Variants in GRAMD2A observed in about 807,000 individuals in gnomAD.
The protein encoded by GRAMD2A is GRAM domain containing 2A, also known as GRAM domain-containing protein 2A.
A neutral mutation model predicts 51.1 loss-of-function variants in GRAMD2A; 37 were observed. The ratio of observed to expected loss-of-function variants is 0.72; its 90% confidence interval spans 0.56 to 0.95. The LOEUF (loss-of-function observed/expected upper bound fraction) is 0.95. GRAMD2A is among the 40% of genes least tolerant of loss of function. The pLI, the probability that GRAMD2A is intolerant of heterozygous loss-of-function variation, is 0.00. For missense variants in GRAMD2A, 414 were observed against 426.9 expected, an observed-to-expected ratio of 0.97 and a Z score of 0.27; for synonymous variants, 136 against 157.1, an observed-to-expected ratio of 0.87 and a Z score of 1.01.
intron 1 of GRAMD2A, among the ~76,000 whole-genome samples, chr15:72,182,362 CAAAAAAAAAAAAAAA>C (rs36075463): frequency 2.1e-5 from 1 of 47,560 alleles, no homozygotes; most frequent in African/African-American, 8.6e-5. Flanking sequence ...GAGACTGTCT[CAAAAAAAAAAAAAAA>C]AAAAAAAACC....
At chr15:72,195,293 G>A (rs1003676194) in intron 1 of GRAMD2A, among the ~76,000 whole-genome samples, 14 of 152,190 alleles carry the variant, frequency 9.2e-5, no homozygotes, top group Middle Eastern at 3.2e-3. Context: ...GAAAGCGGAA[G>A]TGACTTGTCC....
In GRAMD2A at chr15:72,163,178, A is replaced by G. The variant is rs1282455587; in HGVS notation, c.956+88T>C. ...CTCAGAAACTTCCCCCTGGTTCTGA[A>G]TAGTGAATTCCCCACACTCCAAGGC... On this transcript the variant is annotated intron_variant, in intron 10 of 11. Transcript: ENST00000309731. The G allele has an allele frequency of 1.5e-5, 13 of 883,284 alleles. No individual in the cohort carries two copies. The East Asian group carries it at 2.7e-4, about 19-fold the overall frequency. 54.7% of individuals were successfully genotyped at this position (883,284 alleles called of 1,614,324 possible). A position where few individuals can be genotyped will look rare whatever the true frequency, so the allele number is the denominator to read the frequency against.
At chr15:72,167,392 C>T (rs1344733375) in intron 5 of GRAMD2A, among the ~76,000 whole-genome samples, 1 of 152,236 alleles carries the variant, frequency 6.6e-6, no homozygotes, top group Admixed American at 6.5e-5. Flanking sequence ...AATGGAGCTC[C>T]CCAGGCTACT....
chr15:72,165,392 G>C lies in GRAMD2A; in HGVS notation c.562C>G (p.Leu188Val). The change falls in exon 8 of 12, where the codon CTG (leucine) becomes GTG (valine). Residue 188 changes from leucine (L) to valine (V), a missense_variant. By Grantham distance (32) the Leu-to-Val change is conservative (BLOSUM62 1). Transcript: ENST00000309731. ...THLQPSSKKS[L>V]SVREFSGEPE... is the part of the protein sequence containing the mutation. ...TCCCCTGAAAATTCTCTTACACTCA[G>C]ACTCTTCTTGCTGGAAGGCTGAGGA... 1 of 1,614,076 alleles carries C rather than the reference G, an allele frequency of 6.2e-7. No homozygotes were observed. Among genetic ancestry groups the C allele is most frequent in the Admixed American group, 1.7e-5 (1 of 60,022 alleles).
intron 1 of GRAMD2A, among the ~76,000 whole-genome samples, chr15:72,180,942 C>G (rs551949319): frequency 6.6e-6 from 1 of 152,294 alleles, no homozygotes; most frequent in Non-Finnish European, 1.5e-5. Context: ...CAGGAGGGAC[C>G]TCTATTAGGG....
intron 1 of GRAMD2A, among the ~76,000 whole-genome samples, chr15:72,178,639 A>G (rs905486428): frequency 2.3e-5 from 3 of 130,712 alleles, no homozygotes; most frequent in South Asian, 4.8e-4. Context: ...GCAGTGGCGC[A>G]ATCTCGGCTC....
At chr15:72,177,107 C>T (rs562747530) in intron 1 of GRAMD2A, among the ~76,000 whole-genome samples, 2 of 151,800 alleles carry the variant, frequency 1.3e-5, no homozygotes, top group East Asian at 3.9e-4. Context: ...AGCAATTCTC[C>T]CACCTCGGCT....
Position 72,161,668 on chromosome 15 carries a change from C to T in GRAMD2A, c.*341G>A. 1 of 342,778 alleles carries T rather than the reference C, an allele frequency of 2.9e-6. No individual in the cohort carries two copies. The highest frequency in any genetic ancestry group is 5.6e-6 in the Non-Finnish European group (1 of 178,596). The allele number at this position is 342,778 out of a possible 1,614,324, so 21.2% of individuals were successfully genotyped here. A position where few individuals can be genotyped will look rare whatever the true frequency, so the allele number is the denominator to read the frequency against. The stretch of plus-strand genomic sequence containing the variant: ...TTTGAGGTGGCCTCCAGTGTTCTGC[C>T]TGTGTGCCAGAACTGTTTCCAAGGA... On this transcript the variant is annotated 3_prime_UTR_variant, in exon 12 of 12. Transcript: ENST00000309731.
intron 1 of GRAMD2A, 24 bp downstream of exon 1, chr15:72,197,707 G>A: frequency 7.7e-7 from 1 of 1,305,682 alleles, no homozygotes; most frequent in Non-Finnish European, 9.8e-7. Context: ...CCCCGAGACC[G>A]GCCCCCGGGC....
At chr15:72,183,335 T>C (rs1243581620) in intron 1 of GRAMD2A, among the ~76,000 whole-genome samples, 3 of 151,164 alleles carry the variant, frequency 2.0e-5, no homozygotes, top group Non-Finnish European at 4.4e-5. Flanking sequence ...GCCAATAGGG[T>C]GAAATCCCAT....
intron 1 of GRAMD2A, among the ~76,000 whole-genome samples, chr15:72,196,595 T>C (rs2081806863): frequency 6.6e-6 from 1 of 151,888 alleles, no homozygotes; most frequent in African/African-American, 2.4e-5. Context: ...ATTCTACCTC[T>C]CCCAGCAAGG....
At chr15:72,183,658 T>C (rs1274961921) in intron 1 of GRAMD2A, among the ~76,000 whole-genome samples, 1 of 152,172 alleles carries the variant, frequency 6.6e-6, no homozygotes, top group Non-Finnish European at 1.5e-5. Flanking sequence ...GGTGAAATCC[T>C]GTCTCTACTA....
chr15:72,193,516 C>G (rs536506028), intron 1 of GRAMD2A, among the ~76,000 whole-genome samples: 1 of 150,792 alleles, frequency 6.6e-6, no homozygotes, highest in East Asian at 2.0e-4. Flanking sequence ...CCACACCCGG[C>G]TTGTGCATTT....
rs2081581425 is a variant in GRAMD2A, at chr15:72,169,126, G to A, written c.135-130C>T. On this transcript the variant is annotated intron_variant, in intron 2 of 11. Coordinates refer to ENST00000309731, the MANE Select transcript of GRAMD2A (RefSeq NM_001012642.3). ...ATCAGAGACTAGGACCCTTCTCTAG[G>A]GGACACAGCAAAATGACAAGTACAG... The A allele has an allele frequency of 1.6e-5, 12 of 758,292 alleles. No homozygotes were observed. In the South Asian group the frequency reaches 1.8e-4, roughly 11 times the overall value. 47.0% of individuals were successfully genotyped at this position (758,292 alleles called of 1,614,324 possible).
At chr15:72,192,747 G>C (rs1028516462) in intron 1 of GRAMD2A, among the ~76,000 whole-genome samples, 1 of 152,176 alleles carries the variant, frequency 6.6e-6, no homozygotes, top group South Asian at 2.1e-4. Flanking sequence ...AAAAGAAATA[G>C]AGCCAGCCAA....
chr15:72,168,625 C>G (rs2081575337), intron 3 of GRAMD2A, 59 bp from the exon 4 acceptor site: 12 of 1,422,008 alleles, frequency 8.4e-6, no homozygotes, highest in Non-Finnish European at 1.2e-5. Context: ...CAAAGGGGCC[C>G]TGCTCCAGCC....
At chr15:72,162,866 C>A (rs2081494819) in intron 10 of GRAMD2A, 1 of 220,598 alleles carries the variant, frequency 4.5e-6, no homozygotes. Flanking sequence ...ATGCTCCCTG[C>A]TCTACTGGTC....
chr15:72,169,811 T>G, intron 2 of GRAMD2A, 36 bp downstream of exon 2: 1 of 1,519,522 alleles, frequency 6.6e-7, no homozygotes, highest in Non-Finnish European at 9.1e-7. Context: ...CACCCTCTAG[T>G]CTGTGTGTAT....
chr15:72,177,773 GT>G (rs1163670903), intron 1 of GRAMD2A, among the ~76,000 whole-genome samples: 3 of 152,174 alleles, frequency 2.0e-5, no homozygotes, highest in Non-Finnish European at 4.4e-5. Flanking sequence ...TTTCACCGAG[GT>G]TGGAGGGCAG....
Sources: gnomAD v4.1 joint callset for allele counts (sites outside exome capture counted in the v4.1 genomes callset) on GRCh38, gnomAD v4.1.1 for gene constraint, MANE v1.5 for transcripts, NCBI Gene and HGNC (gene_info 2026-07-23, HGNC 2026-07-21) for gene names.